Variants in ATRX observed in about 807,000 individuals in gnomAD.
ATRX encodes ATRX chromatin remodeler, also known as chromatin remodeler ATRX.
Under a neutral mutation model 172.6 loss-of-function variants are expected in ATRX, and 12 were observed. The ratio of observed to expected loss-of-function variants is 0.07; its 90% CI spans 0.04 to 0.11. The LOEUF is 0.11. Ranked by LOEUF, ATRX falls within the 10% of genes least tolerant of loss-of-function variation. The probability of loss-of-function intolerance (pLI) is 1.00; values close to 1 mark genes in which losing one functional copy is unlikely to be tolerated. For synonymous variants in ATRX, 674 were observed against 594.7 expected, an observed-to-expected ratio of 1.13 and a Z score of -1.94; for missense variants, 1,368 against 1,767.4, an observed-to-expected ratio of 0.77 and a Z score of 4.05.
chrX:77,594,503 C>T (rs782648853), intron 25 of ATRX: 10 of 112,108 alleles, frequency 8.9e-5, no homozygotes, highest in African/African-American at 3.2e-4. Context: ...AAGAAATATG[C>T]AGGTTTAGCA....
rs782253079 is a variant in ATRX at position 77,573,735 on chromosome X, A to G, written c.6326+515T>C. Among the ~76,000 whole-genome samples the G allele has an allele frequency of 2.6e-4, 29 of 111,931 alleles. No individual in the cohort carries two copies. The South Asian group carries it at 0.011, about 41-fold the overall frequency. On this transcript the variant is annotated intron_variant, in intron 28 of 34. Coordinates refer to ENST00000373344, the MANE Select transcript of ATRX (RefSeq NM_000489.6). ...TGCGGGTGGGAATGAAAAATTGTAC[A>G]GTCACTTTGGAAAACTGCTTGATAG...
intron 27 of ATRX, among the ~76,000 whole-genome samples, chrX:77,576,012 G>A (rs1199936452): frequency 9.0e-6 from 1 of 111,280 alleles, no homozygotes; most frequent in African/African-American, 3.3e-5. Flanking sequence ...TCAATACACA[G>A]TGGTAATGGT....
At chrX:77,600,296 A>G in intron 23 of ATRX, 138 bp downstream of exon 23, 2 of 738,073 alleles carry the variant, frequency 2.7e-6, no homozygotes, top group Non-Finnish European at 4.1e-6. Context: ...AATACATGCA[A>G]GACATATAGA....
At chrX:77,580,227 G>A (rs781829302) in intron 27 of ATRX, among the ~76,000 whole-genome samples, 1 of 111,918 alleles carries the variant, frequency 8.9e-6, no homozygotes, top group Non-Finnish European at 1.9e-5. Context: ...AGGAGGTAGA[G>A]AGAAAGACTG....
intron 14 of ATRX, 124 bp from the exon 15 acceptor site, chrX:77,652,477 A>G (rs1056071871): frequency 1.6e-6 from 1 of 611,452 alleles, no homozygotes; most frequent in African/African-American, 2.4e-5. Context: ...TTAGAATTAT[A>G]TTCAGCAATA....
At position 77,681,756 on chromosome X, in the gene ATRX, T is replaced by G; in HGVS notation, c.3500A>C (p.Lys1167Thr). The part of the protein sequence containing the change: ...DAEESSEDNK[K>T]KKQRTSSKKK... Reference sequence around the variant, plus strand: ...TTTAGATGAAGTTCTTTGCTTCTTCTTTTTATTATCTTCAGAACTTTCCTC... The same window carrying G: ...TTTAGATGAAGTTCTTTGCTTCTTCGTTTTATTATCTTCAGAACTTTCCTC... The change falls in exon 9 of 35, where the codon AAG becomes ACG. Residue 1167 changes from lysine to threonine, a missense_variant. By Grantham distance (78) the Lys-to-Thr change is moderately conservative. Around this residue, in one of 17 missense-constraint regions of ATRX, gnomAD observed 843 missense variants for 643.1 expected, o/e 1.31. Transcript: ENST00000373344. The G allele has an allele frequency of 1.7e-6, 2 of 1,201,912 alleles. No homozygotes were observed. Among genetic ancestry groups the G allele is most frequent in the Non-Finnish European group, 2.2e-6 (2 of 892,962 alleles).
At chrX:77,510,068 A>G (rs1557035826) in intron 34 of ATRX, among the ~76,000 whole-genome samples, 1 of 111,599 alleles carries the variant, frequency 9.0e-6, no homozygotes, top group African/African-American at 3.3e-5. Context: ...AAGAGTAAAG[A>G]AGACTTTGTC....
At chrX:77,661,178 T>G (rs1385565680) in intron 12 of ATRX, among the ~76,000 whole-genome samples, 1 of 112,227 alleles carries the variant, frequency 8.9e-6, no homozygotes, top group East Asian at 2.8e-4. Flanking sequence ...GCCCTACGTT[T>G]TCATCAAGAT....
At chrX:77,584,318 C>T (rs2065931770) in intron 27 of ATRX, among the ~76,000 whole-genome samples, 1 of 111,121 alleles carries the variant, frequency 9.0e-6, no homozygotes, top group African/African-American at 3.3e-5. Context: ...CAAAAAACAA[C>T]CCTAAAAATT....
At chrX:77,777,344 G>A (rs782364610) in intron 1 of ATRX, among the ~76,000 whole-genome samples, 3 of 108,427 alleles carry the variant, frequency 2.8e-5, no homozygotes, top group East Asian at 2.9e-4. Context: ...TCACACCACC[G>A]CACTCCAGCC....
intron 27 of ATRX, among the ~76,000 whole-genome samples, chrX:77,586,473 A>G (rs1463546931): frequency 8.9e-6 from 1 of 112,119 alleles, no homozygotes; most frequent in African/African-American, 3.2e-5. Context: ...AAAAGAGATT[A>G]GCAGAGACAA....
chrX:77,585,294 C>T (rs2065964149), intron 27 of ATRX, among the ~76,000 whole-genome samples: 1 of 109,680 alleles, frequency 9.1e-6, no homozygotes, highest in Non-Finnish European at 1.9e-5. Flanking sequence ...GCAATCCCAG[C>T]CAGACGCAGT....
At chrX:77,693,787 C>T in intron 6 of ATRX, 37 bp downstream of exon 6, 1 of 1,067,310 alleles carries the variant, frequency 9.4e-7, no homozygotes, top group Non-Finnish European at 1.3e-6. Context: ...TCATAAACAG[C>T]AATTTAAATT....
chrX:77,664,365 T>G (rs947572369), intron 11 of ATRX, among the ~76,000 whole-genome samples: 4 of 109,528 alleles, frequency 3.7e-5, no homozygotes, highest in Admixed American at 9.8e-5. Context: ...GTTCAAGTGA[T>G]TCTCCTGCCT....
At chrX:77,546,686 G>A (rs984936606) in intron 30 of ATRX, among the ~76,000 whole-genome samples, 1 of 111,172 alleles carries the variant, frequency 9.0e-6, no homozygotes, top group African/African-American at 3.3e-5. Flanking sequence ...GTCTTGCCAC[G>A]TTGACCAGGC....
chrX:77,534,174 T>C (rs1412854902), intron 30 of ATRX, among the ~76,000 whole-genome samples: 2 of 111,703 alleles, frequency 1.8e-5, no homozygotes, highest in Non-Finnish European at 3.8e-5. Context: ...TTTATGTAGT[T>C]CATAAGCAGG....
At chrX:77,619,129 G>A in intron 20 of ATRX, 148 bp from the exon 21 acceptor site, 1 of 444,011 alleles carries the variant, frequency 2.3e-6, no homozygotes, top group Non-Finnish European at 3.8e-6. Flanking sequence ...GAATAAACAT[G>A]GTTATAAGTC....
At chrX:77,659,482 T>TACACACACACACACACAC (rs72145948) in intron 12 of ATRX, among the ~76,000 whole-genome samples, 1 of 88,467 alleles carries the variant, frequency 1.1e-5, no homozygotes, top group African/African-American at 4.1e-5. Context: ...TTTCTCTCTC[T>TACACACACACACACACAC]ACACACACAC....
chrX:77,690,646 T>C (rs782098145), intron 6 of ATRX, among the ~76,000 whole-genome samples: 24 of 111,221 alleles, frequency 2.2e-4, no homozygotes, highest in South Asian at 1.1e-3. Flanking sequence ...AAACACCAGT[T>C]TGATCTTGGG....
Sources: allele counts gnomAD v4.1 joint callset (sites outside exome capture counted in the v4.1 genomes callset), GRCh38; gene constraint gnomAD v4.1.1; regional missense constraint gnomAD v4.1.1; transcripts MANE v1.5; gene names NCBI Gene and HGNC (gene_info 2026-07-23, HGNC 2026-07-21).